Variants in PLEKHA1 observed in about 807,000 individuals in gnomAD.
PLEKHA1 encodes the protein pleckstrin homology domain containing A1.
In PLEKHA1, 34 loss-of-function variants were observed where a neutral mutation model predicts 52.0. The observed-to-expected ratio is 0.65, with a 90% confidence interval of 0.50 to 0.87. The LOEUF is 0.87. PLEKHA1 is among the 40% of genes least tolerant of loss of function. The pLI, the probability that PLEKHA1 is intolerant of heterozygous loss-of-function variation, is 0.00. For missense variants in PLEKHA1, 497 were observed against 504.2 expected, an observed-to-expected ratio of 0.99 and a Z score of 0.14; for synonymous variants, 163 against 170.7, an observed-to-expected ratio of 0.95 and a Z score of 0.35.
intron 8 of PLEKHA1, chr10:122,421,065 G>T (rs1207635532): frequency 6.6e-6 from 1 of 152,300 alleles, no homozygotes; most frequent in South Asian, 2.1e-4. Flanking sequence ...CAAAGTACCT[G>T]TCTACTAAAA....
At chr10:122,433,884 T>A (rs1202317094), downstream of PLEKHA1, 1 of 152,260 alleles carries the variant, frequency 6.6e-6, no homozygotes, top group Non-Finnish European at 1.5e-5. Flanking sequence ...GGGCTTTTAA[T>A]TATTTCCAAG....
At chr10:122,408,984 T>G (rs2097065066) in intron 5 of PLEKHA1, among the ~76,000 whole-genome samples, 1 of 152,168 alleles carries the variant, frequency 6.6e-6, no homozygotes, top group Non-Finnish European at 1.5e-5. Context: ...AATTAGAGTT[T>G]GGAAGTGTGT....
rs1468518149 is a variant in PLEKHA1 at position 122,430,201 on chromosome 10, TAAC to T, written c.*266_*268del. ...GCATTGTGTGTTCTCATTCGGGTGGTAACAATGTATGTGTAATATTTTTTTCTT... is the reference window on the plus strand; with the variant it reads ...GCATTGTGTGTTCTCATTCGGGTGGTAATGTATGTGTAATATTTTTTTCTT... On this transcript the variant is annotated 3_prime_UTR_variant, in exon 12 of 12. Transcript: ENST00000368990. 2 of 334,920 alleles carry T rather than the reference TAAC, an allele frequency of 6.0e-6. No homozygotes were observed. 20.7% of individuals were successfully genotyped at this position (334,920 alleles called of 1,614,324 possible). A position where few individuals can be genotyped will look rare whatever the true frequency, so the allele number is the denominator to read the frequency against.
chr10:122,393,840 G>T lies in PLEKHA1; in HGVS notation c.141+499G>T, dbSNP rs1363078257. On this transcript the variant is annotated intron_variant, in intron 2 of 11. Coordinates refer to ENST00000368990, the MANE Select transcript of PLEKHA1 (RefSeq NM_001001974.4). This position sits in a 1 kb window ranked among gnomAD's most constrained non-coding sequence, Gnocchi z 4.5. ...GACTATTATTTTTAAATAAATAAAT[G>T]ACTTAACCACATGATACTCTTGCAC... 2.0e-5 allele frequency among the ~76,000 whole-genome samples: 3 copies of T among 152,070 alleles called. No homozygotes were observed. The highest frequency in any genetic ancestry group is 4.4e-5 in the Non-Finnish European group (3 of 68,002).
Position 122,416,404 on chromosome 10 carries a change from C to G in PLEKHA1, c.612+402C>G, listed in dbSNP as rs185399741. Among the ~76,000 whole-genome samples, 112 of 152,294 alleles carry G rather than the reference C, an allele frequency of 7.4e-4. 2 individuals carry two copies. The highest frequency in any genetic ancestry group is 4.4e-3 in the Admixed American group (68 of 15,296). ...GTCTCTTCCTTGTTTAGGCATTGGC[C>G]TGACCTCCGTGGTAAGCTCTCTGAC... On this transcript the variant is annotated intron_variant, in intron 7 of 11. Transcript: ENST00000368990.
intron 11 of PLEKHA1, chr10:122,428,312 C>T (rs1565344867): frequency 6.5e-7 from 1 of 1,546,870 alleles, no homozygotes; most frequent in Admixed American, 2.0e-5. Context: ...CCCTTGTATA[C>T]AGAGGTATAC....
intron 10 of PLEKHA1, 120 bp from the exon 11 acceptor site, chr10:122,426,822 G>C: frequency 1.1e-6 from 1 of 905,882 alleles, no homozygotes; most frequent in East Asian, 2.7e-5. Context: ...TTTGGAAACA[G>C]TTGCCTTAGA....
rs1301682850 is a variant in PLEKHA1, at chr10:122,429,838, A to C, written c.1115A>C (p.Glu372Ala). ...AGAGAACCAGCTTCCAAAGTGACTG[A>C]ACAAGCTCTGTTAAGACCTCAAAGT... The part of the protein sequence containing the change: ...SPREPASKVT[E>A]QALLRPQSKN... The change falls in exon 12 of 12, where the codon GAA (glutamate) becomes GCA (alanine). Residue 372 changes from glutamate to alanine, a missense_variant. Transcript: ENST00000368990. 6.2e-7 allele frequency: 1 copy of C among 1,614,204 alleles called. No homozygotes were observed. The highest frequency in any genetic ancestry group is 1.3e-5 in the African/African-American group (1 of 75,058).
intron 3 of PLEKHA1, 23 bp downstream of exon 3, chr10:122,397,997 T>G (rs2096874131): frequency 1.3e-6 from 2 of 1,577,988 alleles, no homozygotes; most frequent in African/African-American, 2.7e-5. Context: ...CATTGTCTTA[T>G]ACTCGTGTGA....
Position 122,393,190 on chromosome 10 carries a change from C to G in PLEKHA1, c.-11C>G. Reference sequence around the variant, plus strand: ...TATTTTTATTTTACAGTGTAATGTTCAAGCTCAGAAATGCCTTATGTGGAT... The same window carrying G: ...TATTTTTATTTTACAGTGTAATGTTGAAGCTCAGAAATGCCTTATGTGGAT... On this transcript the variant is annotated 5_prime_UTR_variant, in exon 2 of 12. Transcript: ENST00000368990. The surrounding 1 kb of genome is among the most constrained non-coding windows in gnomAD (Gnocchi z 4.5). The G allele has an allele frequency of 6.2e-7, 1 of 1,604,720 alleles. No homozygotes were observed. Among genetic ancestry groups the G allele is most frequent in the Non-Finnish European group, 8.5e-7 (1 of 1,176,128 alleles).
At chr10:122,388,171 T>G (rs1275878208) in intron 1 of PLEKHA1, among the ~76,000 whole-genome samples, 5 of 152,220 alleles carry the variant, frequency 3.3e-5, no homozygotes, top group Admixed American at 1.3e-4. Context: ...CATTTCCCAC[T>G]CTCTTCAGCC....
intron 5 of PLEKHA1, chr10:122,412,172 A>T (rs2097114602): frequency 6.6e-6 from 1 of 152,228 alleles, no homozygotes; most frequent in Non-Finnish European, 1.5e-5. Flanking sequence ...TGAGGTGTTA[A>T]TGTGAGATTC....
At position 122,395,433 on chromosome 10, in the gene PLEKHA1, T is replaced by A. The variant is rs537210050; in HGVS notation, c.141+2092T>A. On this transcript the variant is annotated intron_variant, in intron 2 of 11. Transcript: ENST00000368990. ...AATGTAATAATCAAGACATACCTACTCTTGAAAACTTTAGTAAAATGTCTT... is the reference window on the plus strand; with the variant it reads ...AATGTAATAATCAAGACATACCTACACTTGAAAACTTTAGTAAAATGTCTT... 6.6e-5 allele frequency among the ~76,000 whole-genome samples: 10 copies of A among 152,264 alleles called. No individual in the cohort carries two copies. The South Asian group carries it at 1.9e-3, about 28-fold the overall frequency.
chr10:122,376,393 AATTT>A (rs1468702379), intron 1 of PLEKHA1, among the ~76,000 whole-genome samples: 5 of 151,592 alleles, frequency 3.3e-5, no homozygotes, highest in African/African-American at 4.8e-5. Flanking sequence ...TAAAGTAGTT[AATTT>A]ATTTTATACT....
intron 6 of PLEKHA1, among the ~76,000 whole-genome samples, chr10:122,414,082 T>C (rs1000540959): frequency 1.3e-5 from 2 of 152,056 alleles, no homozygotes; most frequent in African/African-American, 4.8e-5. Flanking sequence ...TCCACCAAAG[T>C]TGGATAAAAA....
At chr10:122,410,800 C>T (rs2097096580) in intron 5 of PLEKHA1, among the ~76,000 whole-genome samples, 2 of 152,054 alleles carry the variant, frequency 1.3e-5, no homozygotes, top group South Asian at 4.1e-4. Flanking sequence ...TAATAATTCC[C>T]AGGTCTGACT....
At position 122,393,483 on chromosome 10, in the gene PLEKHA1, AC is replaced by A. The variant is rs1346800725; in HGVS notation, c.141+146del. 9 of 675,698 alleles carry A rather than the reference AC, an allele frequency of 1.3e-5. No individual in the cohort carries two copies. Among genetic ancestry groups the A allele is most frequent in the Admixed American group, 4.1e-5 (1 of 24,138 alleles). The allele number at this position is 675,698 out of a possible 1,614,324, so 41.9% of individuals were successfully genotyped here. ...CTACTGGCTGTCCTCTCTGCCCTGC[AC>A]CCCTGACCTCTACTGTTTTGTTTGA... On this transcript the variant is annotated intron_variant, in intron 2 of 11. Transcript: ENST00000368990. The surrounding 1 kb of genome is among the most constrained non-coding windows in gnomAD (Gnocchi z 4.5).
chr10:122,415,073 G>A (rs1390603115), intron 6 of PLEKHA1, among the ~76,000 whole-genome samples: 1 of 151,982 alleles, frequency 6.6e-6, no homozygotes, highest in East Asian at 1.9e-4. Flanking sequence ...CCTTTAATGG[G>A]TGAACAGTTA....
chr10:122,389,647 TTGCAG>T (rs1410516443), intron 1 of PLEKHA1, among the ~76,000 whole-genome samples: 1 of 151,968 alleles, frequency 6.6e-6, no homozygotes, highest in Non-Finnish European at 1.5e-5. Flanking sequence ...GAGGTGGAGG[TTGCAG>T]TGAGCCAAGA....
Sources: allele counts gnomAD v4.1 joint callset (sites outside exome capture counted in the v4.1 genomes callset), GRCh38; gene constraint gnomAD v4.1.1; non-coding constraint Gnocchi (gnomAD v3.1); transcripts MANE v1.5; gene names NCBI Gene and HGNC (gene_info 2026-07-23, HGNC 2026-07-21).